Variants in YY1 observed in about 807,000 individuals in gnomAD.
The protein encoded by YY1 is transcriptional repressor protein YY1.
A neutral mutation model predicts 35.6 loss-of-function variants in YY1; 2 were observed. That is an observed-to-expected ratio of 0.06 (90% CI 0.02 to 0.18). YY1 has a LOEUF of 0.18. Ranked by LOEUF, YY1 falls within the 10% of genes least tolerant of loss-of-function variation. The pLI is 1.00. For synonymous variants in YY1, 268 were observed against 238.9 expected, an observed-to-expected ratio of 1.12 and a Z score of -1.12; for missense variants, 322 against 573.4, an observed-to-expected ratio of 0.56 and a Z score of 4.48.
At chr14:100,268,026 C>T (rs1238882529) in intron 2 of YY1, among the ~76,000 whole-genome samples, 3 of 152,280 alleles carry the variant, frequency 2.0e-5, no homozygotes, top group East Asian at 1.9e-4. Flanking sequence ...ACAGAGGCAC[C>T]AAGAGTTTTA....
intron 2 of YY1, 39 bp from the exon 3 acceptor site, chr14:100,274,659 T>A: frequency 6.3e-7 from 1 of 1,583,096 alleles, no homozygotes; most frequent in Non-Finnish European, 8.7e-7. Flanking sequence ...GTCTACCCAC[T>A]CCTACAAATC....
chr14:100,251,126 G>T (rs1010248264), intron 1 of YY1, among the ~76,000 whole-genome samples: 1 of 152,196 alleles, frequency 6.6e-6, no homozygotes, highest in African/African-American at 2.4e-5. Flanking sequence ...GAACCTGTGG[G>T]TGTTAACCTT....
In YY1 at chr14:100,278,500, A is replaced by C. The variant is rs1891359283; in HGVS notation, c.*900A>C. On this transcript the variant is annotated 3_prime_UTR_variant, in exon 5 of 5. Coordinates refer to ENST00000262238, the MANE Select transcript of YY1 (RefSeq NM_003403.5). Reference sequence around the variant, plus strand: ...ATGGCAGAACAAGATCTGTAAGCACAGTCTTATTTTCTTTTGTTGTCCAGA... The same window carrying C: ...ATGGCAGAACAAGATCTGTAAGCACCGTCTTATTTTCTTTTGTTGTCCAGA... The C allele has an allele frequency of 6.6e-6, 1 of 152,582 alleles. No individual in the cohort carries two copies. Among genetic ancestry groups the C allele is most frequent in the Non-Finnish European group, 1.5e-5 (1 of 68,044 alleles). 9.5% of individuals were successfully genotyped at this position (152,582 alleles called of 1,614,324 possible). A position where few individuals can be genotyped will look rare whatever the true frequency, so the allele number is the denominator to read the frequency against.
At chr14:100,268,414 T>A (rs1467176083) in intron 2 of YY1, among the ~76,000 whole-genome samples, 1 of 152,218 alleles carries the variant, frequency 6.6e-6, no homozygotes, top group African/African-American at 2.4e-5. Context: ...TGAAAAGTGG[T>A]CAGTGAGTGG....
Position 100,246,094 on chromosome 14 carries a change from T to C in YY1, c.679+6171T>C, listed in dbSNP as rs75334766. ...ACCCTCTCTAAGGCTGTTGATATTT[T>C]AATTCGGAGCAGAAGTTGCATTGCC... On this transcript the variant is annotated intron_variant, in intron 1 of 4. Coordinates refer to ENST00000262238, the MANE Select transcript of YY1 (RefSeq NM_003403.5). 2.9e-3 allele frequency among the ~76,000 whole-genome samples: 449 copies of C among 152,324 alleles called. 4 individuals carry two copies. Among genetic ancestry groups the C allele is most frequent in the African/African-American group, 9.9e-3 (413 of 41,576 alleles).
intron 1 of YY1, among the ~76,000 whole-genome samples, chr14:100,255,437 G>A (rs1174289804): frequency 2.0e-5 from 3 of 151,978 alleles, no homozygotes; most frequent in Admixed American, 1.3e-4. Context: ...TGGCCAACAT[G>A]GTGAAACCCC....
At chr14:100,240,300 C>A (rs1890712837) in intron 1 of YY1, among the ~76,000 whole-genome samples, 1 of 146,438 alleles carries the variant, frequency 6.8e-6, no homozygotes, top group Admixed American at 6.8e-5. Context: ...CAGCTGCGCG[C>A]CCCCGGCCCG....
chr14:100,262,475 T>A lies in YY1; in HGVS notation c.842+9T>A, dbSNP rs537857221. The A allele has an allele frequency of 6.2e-7, 1 of 1,613,952 alleles. No individual in the cohort carries two copies. Among genetic ancestry groups the A allele is most frequent in the African/African-American group, 1.3e-5 (1 of 75,072 alleles). ...CTGGCAGAATTTGCTAGGTAAGTTA[T>A]AAGAACTTTCCTTTCTTTTAATTAT... On this transcript the variant is annotated intron_variant, in intron 2 of 4. Coordinates refer to ENST00000262238, the MANE Select transcript of YY1 (RefSeq NM_003403.5).
intron 1 of YY1, among the ~76,000 whole-genome samples, chr14:100,258,763 T>C (rs894651681): frequency 4.6e-5 from 7 of 152,252 alleles, no homozygotes; most frequent in African/African-American, 1.7e-4. Flanking sequence ...TGTGATTCCT[T>C]GTAATGATGT....
chr14:100,241,645 C>T (rs1031559350), intron 1 of YY1, among the ~76,000 whole-genome samples: 2 of 152,154 alleles, frequency 1.3e-5, no homozygotes, highest in Non-Finnish European at 2.9e-5. Flanking sequence ...ATTTTGGTAG[C>T]TCAAGAGATT....
chr14:100,266,938 C>A (rs1343741784), intron 2 of YY1, among the ~76,000 whole-genome samples: 2 of 152,076 alleles, frequency 1.3e-5, no homozygotes, highest in Non-Finnish European at 2.9e-5. Flanking sequence ...TGAGGATGAA[C>A]ATCAGAAGGA....
intron 1 of YY1, among the ~76,000 whole-genome samples, chr14:100,260,801 T>C (rs1891075460): frequency 1.8e-5 from 1 of 54,478 alleles, no homozygotes; most frequent in Non-Finnish European, 3.8e-5. Context: ...TTTTTTTTTT[T>C]TTTTTTTTTG....
At chr14:100,249,418 C>T (rs1890888609) in intron 1 of YY1, among the ~76,000 whole-genome samples, 1 of 152,030 alleles carries the variant, frequency 6.6e-6, no homozygotes, top group Admixed American at 6.6e-5. Flanking sequence ...CCGTGCCTGG[C>T]TTTCTTGTGT....
Position 100,276,827 on chromosome 14 carries a change from T to C in YY1, c.1062+179T>C, listed in dbSNP as rs1891326423. On this transcript the variant is annotated intron_variant, in intron 4 of 4. Transcript: ENST00000262238. This position sits in a 1 kb window ranked among gnomAD's most constrained non-coding sequence, Gnocchi z 4.1. The stretch of plus-strand genomic sequence containing the variant: ...AGAAGGGTTGCCGGGGCTCTGGACA[T>C]CCTTGTCTATACTCTGTGGTACTGG... The C allele has an allele frequency of 1.3e-6, 1 of 782,818 alleles. No individual in the cohort carries two copies. The highest frequency in any genetic ancestry group is 2.7e-5 in the East Asian group (1 of 37,080). The allele number at this position is 782,818 out of a possible 1,614,324, so 48.5% of individuals were successfully genotyped here.
At chr14:100,241,572 CTA>C (rs1375709859) in intron 1 of YY1, among the ~76,000 whole-genome samples, 3 of 152,044 alleles carry the variant, frequency 2.0e-5, no homozygotes, top group African/African-American at 7.2e-5. Flanking sequence ...TTAGCAGAAA[CTA>C]TGTTTAAATG....
intron 1 of YY1, among the ~76,000 whole-genome samples, 186 bp downstream of exon 1, chr14:100,240,109 C>G (rs2139561293): frequency 6.9e-6 from 1 of 145,884 alleles, no homozygotes; most frequent in African/African-American, 2.5e-5. Flanking sequence ...AAGATGGCGG[C>G]AGGCCGCGGG....
intron 1 of YY1, among the ~76,000 whole-genome samples, chr14:100,259,737 CT>C (rs1436284082): frequency 1.3e-5 from 2 of 152,114 alleles, no homozygotes; most frequent in Non-Finnish European, 2.9e-5. Flanking sequence ...TTACTGAAAC[CT>C]CCTGCCATGC....
chr14:100,243,711 G>A (rs61992928), intron 1 of YY1, among the ~76,000 whole-genome samples: 6,564 of 151,996 alleles, frequency 0.043, 154 homozygotes, highest in Non-Finnish European at 0.051. Flanking sequence ...GGTAGATTGA[G>A]GTGGGAGGAT....
chr14:100,253,438 G>A (rs1890953437), intron 1 of YY1, among the ~76,000 whole-genome samples: 1 of 152,128 alleles, frequency 6.6e-6, no homozygotes, highest in Non-Finnish European at 1.5e-5. Context: ...TATTTTTTGA[G>A]ACAGAGTCTC....
Sources: gnomAD v4.1 joint callset for allele counts (sites outside exome capture counted in the v4.1 genomes callset) on GRCh38, gnomAD v4.1.1 for gene constraint, Gnocchi (gnomAD v3.1) non-coding constraint, MANE v1.5 for transcripts, NCBI Gene and HGNC (gene_info 2026-07-23, HGNC 2026-07-21) for gene names.